Variants in AGBL4 observed in about 807,000 individuals in gnomAD.
AGBL4 encodes cytosolic carboxypeptidase 6.
A neutral mutation model predicts 66.4 loss-of-function variants in AGBL4; 58 were observed. The ratio of observed to expected loss-of-function variants is 0.87; its 90% CI spans 0.71 to 1.09. The LOEUF (loss-of-function observed/expected upper bound fraction) is 1.09. AGBL4 is among the 50% of genes least tolerant of loss of function. The pLI is 0.00. For synonymous variants in AGBL4, 234 were observed against 222.9 expected (o/e 1.05, Z -0.44); for missense variants, 579 against 631.0 (o/e 0.92, Z 0.88).
At chr1:49,176,642 C>A (rs771860289) in intron 4 of AGBL4, among the ~76,000 whole-genome samples, 1 of 152,104 alleles carries the variant, frequency 6.6e-6, no homozygotes, top group Non-Finnish European at 1.5e-5. Flanking sequence ...ATGGACTTTG[C>A]GCAAACTGCT....
At chr1:48,776,803 T>C in intron 6 of AGBL4, 2 of 1,523,520 alleles carry the variant, frequency 1.3e-6, no homozygotes, top group East Asian at 2.7e-5. Flanking sequence ...GCAGACGTTG[T>C]CCTCCAGGAA....
intron 4 of AGBL4, among the ~76,000 whole-genome samples, chr1:49,116,882 G>C (rs969358644): frequency 6.6e-6 from 1 of 152,126 alleles, no homozygotes; most frequent in African/African-American, 2.4e-5. Context: ...TCCAGCATCT[G>C]TTGTTTCCTG....
chr1:49,323,448 A>ATTTTTTTTT (rs11295329), intron 3 of AGBL4, among the ~76,000 whole-genome samples: 8 of 114,848 alleles, frequency 7.0e-5, no homozygotes, highest in Admixed American at 9.0e-5. Flanking sequence ...TGCCTGGCTA[A>ATTTTTTTTT]TTTTTTTTTT....
intron 9 of AGBL4, among the ~76,000 whole-genome samples, chr1:48,596,953 C>A (rs1348879162): frequency 6.6e-6 from 1 of 152,186 alleles, no homozygotes; most frequent in Non-Finnish European, 1.5e-5. Context: ...CACCTCCTGC[C>A]TCTCTCCATC....
At chr1:49,686,549 G>A (rs940198801) in intron 3 of AGBL4, among the ~76,000 whole-genome samples, 2 of 152,188 alleles carry the variant, frequency 1.3e-5, no homozygotes, top group African/African-American at 4.8e-5. Context: ...ACAAATTGTG[G>A]TAGGATTTGC....
chr1:48,961,118 T>C (rs1287709011), intron 5 of AGBL4, among the ~76,000 whole-genome samples: 1 of 150,004 alleles, frequency 6.7e-6, no homozygotes, highest in Non-Finnish European at 1.5e-5. Context: ...CGTGTATGTG[T>C]GTGTATGTGT....
intron 6 of AGBL4, among the ~76,000 whole-genome samples, chr1:48,784,472 C>T (rs1411998041): frequency 6.6e-6 from 1 of 152,206 alleles, no homozygotes; most frequent in East Asian, 1.9e-4. Context: ...TCTCTAATTT[C>T]AAATGTTCAA....
At chr1:49,690,400 G>A (rs1224701887) in intron 3 of AGBL4, among the ~76,000 whole-genome samples, 2 of 152,052 alleles carry the variant, frequency 1.3e-5, no homozygotes, top group Non-Finnish European at 2.9e-5. Flanking sequence ...TTTCTTGCTT[G>A]CTTTCAATAG....
At chr1:49,880,731 G>A (rs1016164427) in intron 1 of AGBL4, among the ~76,000 whole-genome samples, 4 of 152,146 alleles carry the variant, frequency 2.6e-5, no homozygotes, top group African/African-American at 4.8e-5. Flanking sequence ...AAGCAAGCCT[G>A]GGCAATGGCG....
chr1:49,274,255 T>C (rs1644120671), intron 3 of AGBL4, among the ~76,000 whole-genome samples: 1 of 152,196 alleles, frequency 6.6e-6, no homozygotes, highest in African/African-American at 2.4e-5. Flanking sequence ...ATTCAGTCTT[T>C]AGACCTGAAA....
At chr1:49,037,486 C>G (rs867591166) in intron 5 of AGBL4, among the ~76,000 whole-genome samples, 2 of 152,036 alleles carry the variant, frequency 1.3e-5, no homozygotes, top group African/African-American at 2.4e-5. Context: ...ATTCAAGGCC[C>G]TCCTCACTTG....
intron 3 of AGBL4, among the ~76,000 whole-genome samples, chr1:49,612,582 A>G (rs1267202093): frequency 1.3e-5 from 2 of 152,216 alleles, no homozygotes; most frequent in East Asian, 3.8e-4. Context: ...ATGAACAGAT[A>G]CTTTTCGAAA....
intron 6 of AGBL4, among the ~76,000 whole-genome samples, chr1:48,850,162 T>C (rs894813969): frequency 2.0e-5 from 3 of 152,158 alleles, no homozygotes; most frequent in African/African-American, 4.8e-5. Context: ...CCGACTATAC[T>C]TTGAGAACAA....
chr1:49,375,529 T>C (rs1051565220), intron 3 of AGBL4, among the ~76,000 whole-genome samples: 3 of 152,088 alleles, frequency 2.0e-5, no homozygotes, highest in South Asian at 2.1e-4. Flanking sequence ...ATTCTATTAA[T>C]ACATAATGAC....
intron 5 of AGBL4, among the ~76,000 whole-genome samples, chr1:48,933,451 T>G (rs938340257): frequency 1.3e-5 from 2 of 152,206 alleles, no homozygotes; most frequent in African/African-American, 4.8e-5. Flanking sequence ...TTTTTTTAGT[T>G]GGGATCTGCT....
chr1:49,870,435 A>G (rs1646810386), intron 1 of AGBL4, among the ~76,000 whole-genome samples: 1 of 151,886 alleles, frequency 6.6e-6, no homozygotes, highest in Non-Finnish European at 1.5e-5. Context: ...TAACTAAAAG[A>G]GTATAATTCG....
At chr1:49,622,644 A>G (rs1439397561) in intron 3 of AGBL4, among the ~76,000 whole-genome samples, 3 of 150,928 alleles carry the variant, frequency 2.0e-5, no homozygotes, top group East Asian at 1.9e-4. Flanking sequence ...AAAAAAAAAA[A>G]AAAAAAAAAA....
rs1012874530 is a variant in AGBL4, at chr1:48,696,011, G to A, written c.635-32770C>T. 3.3e-5 allele frequency among the ~76,000 whole-genome samples: 5 copies of A among 152,156 alleles called. No individual in the cohort carries two copies. The East Asian group carries it at 7.7e-4, about 24-fold the overall frequency. On this transcript the variant is annotated intron_variant, in intron 6 of 13. Transcript: ENST00000371839. The stretch of plus-strand genomic sequence containing the variant: ...TCTGGTTGAAGGGCCTTCTCATTAG[G>A]AGCAGAAGCCCGCCTTCTAATGCTA...
At chr1:49,086,453 A>T (rs958090457) in intron 4 of AGBL4, among the ~76,000 whole-genome samples, 2 of 152,064 alleles carry the variant, frequency 1.3e-5, no homozygotes, top group African/African-American at 4.8e-5. Context: ...CTTCCAGCTC[A>T]GTGGCCCCAC....
Sources: allele counts gnomAD v4.1 joint callset (sites outside exome capture counted in the v4.1 genomes callset), GRCh38; gene constraint gnomAD v4.1.1; transcripts MANE v1.5; gene names NCBI Gene and HGNC (gene_info 2026-07-23, HGNC 2026-07-21).